Variants in MAGI2 observed in about 807,000 individuals in gnomAD.
MAGI2 encodes the protein membrane associated guanylate kinase, WW and PDZ domain containing 2.
Under a neutral mutation model 133.3 loss-of-function variants are expected in MAGI2, and 35 were observed. The observed-to-expected ratio is 0.26, with a 90% CI of 0.20 to 0.35. The LOEUF is 0.35. Among genes scored for constraint, MAGI2 ranks in the 10% least tolerant of loss-of-function variants. The pLI, the probability that MAGI2 is intolerant of heterozygous loss-of-function variation, is 1.00. For missense variants in MAGI2, 1,636 were observed against 1,863.4 expected, an observed-to-expected ratio of 0.88 and a Z score of 2.25; for synonymous variants, 729 against 710.6, an observed-to-expected ratio of 1.03 and a Z score of -0.41.
intron 20 of MAGI2, among the ~76,000 whole-genome samples, chr7:78,088,247 C>T (rs918358053): frequency 1.3e-5 from 2 of 152,180 alleles, no homozygotes; most frequent in Non-Finnish European, 2.9e-5. Context: ...GACTTCTATA[C>T]TGACTCATGG....
chr7:79,372,000 A>T (rs1392790424), intron 1 of MAGI2, among the ~76,000 whole-genome samples: 1 of 152,176 alleles, frequency 6.6e-6, no homozygotes, highest in Non-Finnish European at 1.5e-5. Flanking sequence ...ATTACTTAAT[A>T]TCCCATTACA....
At chr7:78,641,837 A>T (rs1354199077) in intron 2 of MAGI2, among the ~76,000 whole-genome samples, 1 of 152,228 alleles carries the variant, frequency 6.6e-6, no homozygotes, top group Non-Finnish European at 1.5e-5. Context: ...AATCTTTGAA[A>T]TAATATGAAC....
At chr7:79,358,400 A>C (rs375840285) in intron 1 of MAGI2, among the ~76,000 whole-genome samples, 37 of 152,256 alleles carry the variant, frequency 2.4e-4, no homozygotes, top group African/African-American at 8.9e-4. Flanking sequence ...GTGCTAGGTA[A>C]CTTAAAGGCC....
chr7:78,119,030 C>T (rs1299641949), intron 20 of MAGI2, among the ~76,000 whole-genome samples: 1 of 152,146 alleles, frequency 6.6e-6, no homozygotes, highest in African/African-American at 2.4e-5. Context: ...TAAATGCATA[C>T]TACTAAGTGA....
At chr7:78,281,233 A>G (rs1307439207) in intron 9 of MAGI2, among the ~76,000 whole-genome samples, 1 of 152,108 alleles carries the variant, frequency 6.6e-6, no homozygotes, top group African/African-American at 2.4e-5. Context: ...TGATATTTTT[A>G]AAAACTTTAA....
At chr7:78,373,120 C>T (rs1396072836) in intron 6 of MAGI2, among the ~76,000 whole-genome samples, 1 of 152,102 alleles carries the variant, frequency 6.6e-6, no homozygotes, top group African/African-American at 2.4e-5. Flanking sequence ...CTGTGCCCGG[C>T]CAGGAATGCC....
At chr7:78,109,177 G>A (rs948379813) in intron 20 of MAGI2, among the ~76,000 whole-genome samples, 21 of 150,434 alleles carry the variant, frequency 1.4e-4, no homozygotes, top group African/African-American at 4.6e-4. Context: ...GGTGGCGGGC[G>A]CCTGTAGTCC....
At chr7:79,094,724 A>T (rs1196867017) in intron 1 of MAGI2, among the ~76,000 whole-genome samples, 1 of 152,204 alleles carries the variant, frequency 6.6e-6, no homozygotes, top group Admixed American at 6.5e-5. Flanking sequence ...ACATCTCTAC[A>T]AGAGGTTTTG....
At chr7:78,512,395 T>C (rs1795679341) in intron 4 of MAGI2, among the ~76,000 whole-genome samples, 1 of 152,150 alleles carries the variant, frequency 6.6e-6, no homozygotes, top group African/African-American at 2.4e-5. Context: ...GATTTATATA[T>C]GTAATTTTTT....
At chr7:78,471,083 C>T (rs747494349) in intron 6 of MAGI2, among the ~76,000 whole-genome samples, 2 of 151,960 alleles carry the variant, frequency 1.3e-5, no homozygotes, top group Non-Finnish European at 2.9e-5. Context: ...AGCTAGAGTG[C>T]CAATTATATT....
chr7:79,242,300 T>G (rs547977524), intron 1 of MAGI2, among the ~76,000 whole-genome samples: 37 of 152,300 alleles, frequency 2.4e-4, no homozygotes, highest in African/African-American at 8.7e-4. Flanking sequence ...TATACAATTT[T>G]TATCTGTCAA....
At chr7:78,859,162 C>T (rs1445134263) in intron 2 of MAGI2, among the ~76,000 whole-genome samples, 2 of 152,090 alleles carry the variant, frequency 1.3e-5, no homozygotes, top group Non-Finnish European at 2.9e-5. Context: ...CTCCTGAATA[C>T]AGCACACTGA....
At chr7:78,617,843 A>G (rs902891895) in intron 3 of MAGI2, 2 of 152,010 alleles carry the variant, frequency 1.3e-5, no homozygotes, top group African/African-American at 4.8e-5. Context: ...TAGCAATAAA[A>G]ATGAGGGCAT....
intron 21 of MAGI2, among the ~76,000 whole-genome samples, chr7:78,029,194 T>G (rs183422852): frequency 5.6e-4 from 86 of 152,252 alleles, no homozygotes; most frequent in African/African-American, 2.0e-3. Flanking sequence ...AGGCAACATC[T>G]TGGTATAACT....
At chr7:78,464,066 A>G (rs1425175155) in intron 6 of MAGI2, among the ~76,000 whole-genome samples, 1 of 152,174 alleles carries the variant, frequency 6.6e-6, no homozygotes, top group African/African-American at 2.4e-5. Flanking sequence ...TATCTGATAT[A>G]CTGGAGGTGC....
chr7:79,119,497 A>G (rs1819702075), intron 1 of MAGI2, among the ~76,000 whole-genome samples: 1 of 152,146 alleles, frequency 6.6e-6, no homozygotes, highest in Admixed American at 6.6e-5. Context: ...ACTGAAAATC[A>G]CATCAAATGG....
At chr7:79,303,840 G>A (rs979162363) in intron 1 of MAGI2, among the ~76,000 whole-genome samples, 1 of 152,116 alleles carries the variant, frequency 6.6e-6, no homozygotes, top group Admixed American at 6.6e-5. Context: ...AGCTTGTCTT[G>A]CGTTTCATCT....
chr7:78,239,636 G>A (rs1790921344), intron 10 of MAGI2, among the ~76,000 whole-genome samples: 1 of 152,138 alleles, frequency 6.6e-6, no homozygotes, highest in African/African-American at 2.4e-5. Context: ...TATACAAATG[G>A]CCAACAAGTA....
At chr7:78,347,765 T>G (rs1791066078) in intron 7 of MAGI2, among the ~76,000 whole-genome samples, 1 of 152,196 alleles carries the variant, frequency 6.6e-6, no homozygotes, top group African/African-American at 2.4e-5. Context: ...TTAATGAAAC[T>G]CATTTGTAAG....
Sources: allele counts gnomAD v4.1 joint callset (sites outside exome capture counted in the v4.1 genomes callset), GRCh38; gene constraint gnomAD v4.1.1; transcripts MANE v1.5; gene names NCBI Gene and HGNC (gene_info 2026-07-23, HGNC 2026-07-21).